Variants in SGCZ observed in about 807,000 individuals in gnomAD.
The protein encoded by SGCZ is sarcoglycan zeta.
SGCZ carries 40 observed loss-of-function variants against 41.3 expected under a neutral mutation model. That is an observed-to-expected ratio of 0.97 (90% CI 0.75 to 1.26). The LOEUF is 1.26. Among genes scored for constraint, SGCZ ranks in the 50% most tolerant of loss-of-function variants. SGCZ has a pLI of 0.00. For synonymous variants in SGCZ, 206 were observed against 137.5 expected (o/e 1.50, Z -3.49); for missense variants, 552 against 369.8 (o/e 1.49, Z -4.04).
chr8:15,173,929 C>CA (rs1189562005), intron 1 of SGCZ, among the ~76,000 whole-genome samples: 8 of 152,124 alleles, frequency 5.3e-5, no homozygotes, highest in African/African-American at 1.9e-4. Context: ...AGTCTCACTA[C>CA]ATTACTGGTC....
At chr8:14,835,052 A>C (rs4368979) in intron 1 of SGCZ, among the ~76,000 whole-genome samples, 34,895 of 152,134 alleles carry the variant, frequency 0.23, 4,912 homozygotes, top group Middle Eastern at 0.32. Context: ...AAAATTAAAG[A>C]TTCAAAATGA....
chr8:14,346,286 A>C (rs1802889744), intron 2 of SGCZ, among the ~76,000 whole-genome samples: 1 of 152,110 alleles, frequency 6.6e-6, no homozygotes, highest in Non-Finnish European at 1.5e-5. Flanking sequence ...TCTATTAATT[A>C]AAAAATTCTA....
Position 14,380,727 on chromosome 8 carries a change from C to T in SGCZ, c.235-56523G>A, listed in dbSNP as rs559230554. On this transcript the variant is annotated intron_variant, in intron 2 of 7. Coordinates refer to ENST00000382080, the MANE Select transcript of SGCZ (RefSeq NM_139167.4). ...ATTAGCTGGGCATGGTGGTGCGTAT[C>T]TGCAGTCCCAGCTACTCGCTACTTG... 6.2e-4 allele frequency among the ~76,000 whole-genome samples: 94 copies of T among 152,254 alleles called. 1 individual carries two copies. Among genetic ancestry groups the T allele is most frequent in the African/African-American group, 2.2e-3 (92 of 41,556 alleles).
chr8:14,407,539 T>A (rs1000725039), intron 2 of SGCZ, among the ~76,000 whole-genome samples: 3 of 152,224 alleles, frequency 2.0e-5, no homozygotes, highest in East Asian at 3.9e-4. Flanking sequence ...AAAAATTAAA[T>A]AACATTAGAT....
chr8:14,608,364 T>C (rs1389652459), intron 1 of SGCZ, among the ~76,000 whole-genome samples: 2 of 151,944 alleles, frequency 1.3e-5, no homozygotes, highest in Admixed American at 1.3e-4. Flanking sequence ...CTCACCGTTC[T>C]GCAGGCTGCA....
At chr8:14,997,797 T>A (rs913584975) in intron 1 of SGCZ, among the ~76,000 whole-genome samples, 5 of 151,986 alleles carry the variant, frequency 3.3e-5, no homozygotes, top group Non-Finnish European at 7.4e-5. Flanking sequence ...TAGTCTCTAC[T>A]AAAAATACAA....
At position 15,119,885 on chromosome 8, in the gene SGCZ, T is replaced by C. The variant is rs113545208; in HGVS notation, c.39+117700A>G. Among the ~76,000 whole-genome samples, 737 of 152,258 alleles carry C rather than the reference T, an allele frequency of 4.8e-3. 7 individuals carry two copies. Among genetic ancestry groups the C allele is most frequent in the African/African-American group, 0.017 (700 of 41,530 alleles). ...AGTGCAGTAGTGCGATCATAACGCA[T>C]TGTGGCCTCGAACTCCTGAGCTCAA... On this transcript the variant is annotated intron_variant, in intron 1 of 7. Coordinates refer to ENST00000382080, the MANE Select transcript of SGCZ (RefSeq NM_139167.4).
At chr8:14,394,157 T>C (rs10090487) in intron 2 of SGCZ, among the ~76,000 whole-genome samples, 2 of 99,100 alleles carry the variant, frequency 2.0e-5, no homozygotes, top group African/African-American at 2.9e-5. Context: ...TTTTTTTTTT[T>C]TTTTTTTTTT....
chr8:14,283,220 A>G (rs928902272), intron 3 of SGCZ, among the ~76,000 whole-genome samples: 2 of 152,106 alleles, frequency 1.3e-5, no homozygotes, highest in Admixed American at 6.5e-5. Flanking sequence ...TTAAATGACT[A>G]TCTAGCTCAT....
chr8:14,235,694 C>A (rs922001545), intron 4 of SGCZ, among the ~76,000 whole-genome samples: 8 of 151,982 alleles, frequency 5.3e-5, no homozygotes, highest in Admixed American at 5.2e-4. Flanking sequence ...ACTTAATTTA[C>A]GTTTTTTTGA....
In SGCZ at chr8:14,491,963, A is replaced by C. The variant is rs193238469; in HGVS notation, c.234+62769T>G. On this transcript the variant is annotated intron_variant, in intron 2 of 7. Transcript: ENST00000382080. The stretch of plus-strand genomic sequence containing the variant: ...TTAGTTACTCAGAAATTGTTCAATA[A>C]ATCTAAGACGACTTAGATATAAATA... Among the ~76,000 whole-genome samples, 312 of 101,396 alleles carry C rather than the reference A, an allele frequency of 3.1e-3. 3 individuals are homozygous for C. Among genetic ancestry groups the C allele is most frequent in the African/African-American group, 7.8e-3 (292 of 37,644 alleles). 66.5% of individuals were successfully genotyped at this position (101,396 alleles called of 152,430 possible). A position where few individuals can be genotyped will look rare whatever the true frequency, so the allele number is the denominator to read the frequency against.
Position 14,509,787 on chromosome 8 carries a change from A to G in SGCZ, c.234+44945T>C, listed in dbSNP as rs550528976. 2.0e-5 allele frequency among the ~76,000 whole-genome samples: 3 copies of G among 152,282 alleles called. No individual in the cohort carries two copies. The South Asian group carries it at 6.2e-4, about 32-fold the overall frequency. On this transcript the variant is annotated intron_variant, in intron 2 of 7. Transcript: ENST00000382080. Reference sequence around the variant, plus strand: ...CTTGGGAGGCCTCGGGAGACTTACAATCATGGCAGAAGGGAAAACAGTCAC... The same window carrying G: ...CTTGGGAGGCCTCGGGAGACTTACAGTCATGGCAGAAGGGAAAACAGTCAC...
intron 3 of SGCZ, among the ~76,000 whole-genome samples, chr8:14,284,533 C>T (rs959413716): frequency 5.3e-5 from 8 of 152,112 alleles, no homozygotes; most frequent in African/African-American, 1.2e-4. Context: ...TTATTCCGTA[C>T]GTAGATGGGT....
chr8:14,464,681 A>T (rs184600392), intron 2 of SGCZ, among the ~76,000 whole-genome samples: 4 of 151,368 alleles, frequency 2.6e-5, no homozygotes, highest in African/African-American at 9.7e-5. Flanking sequence ...TAAGTTATAA[A>T]GTTTGTTTAT....
At chr8:14,429,183 A>T (rs1001181640) in intron 2 of SGCZ, among the ~76,000 whole-genome samples, 2 of 152,168 alleles carry the variant, frequency 1.3e-5, no homozygotes, top group African/African-American at 4.8e-5. Flanking sequence ...AAACATAACA[A>T]ATAATAGTAT....
At chr8:14,301,198 T>C (rs1585337348) in intron 3 of SGCZ, among the ~76,000 whole-genome samples, 1 of 152,120 alleles carries the variant, frequency 6.6e-6, no homozygotes, top group African/African-American at 2.4e-5. Flanking sequence ...ACCTTCCTTG[T>C]TGAGATTTAC....
At chr8:14,204,653 G>A (rs1182725427) in intron 4 of SGCZ, among the ~76,000 whole-genome samples, 2 of 152,004 alleles carry the variant, frequency 1.3e-5, no homozygotes, top group African/African-American at 2.4e-5. Flanking sequence ...CCTCAATATG[G>A]GTGAACACCA....
chr8:14,148,257 C>G (rs938016863), intron 5 of SGCZ, among the ~76,000 whole-genome samples: 3 of 151,450 alleles, frequency 2.0e-5, no homozygotes, highest in Admixed American at 6.6e-5. Context: ...ATCAATAAAA[C>G]AAAAAGTTGG....
chr8:14,904,649 G>C (rs1484151793), intron 1 of SGCZ, among the ~76,000 whole-genome samples: 1 of 151,958 alleles, frequency 6.6e-6, no homozygotes, highest in Admixed American at 6.6e-5. Flanking sequence ...GAGGGTTTTA[G>C]TGAAAGAGAT....
Sources: allele counts gnomAD v4.1 joint callset (sites outside exome capture counted in the v4.1 genomes callset), GRCh38; gene constraint gnomAD v4.1.1; transcripts MANE v1.5; gene names NCBI Gene and HGNC (gene_info 2026-07-23, HGNC 2026-07-21).